The following SPECC1L variants were observed in gnomAD, a reference collection of about 807,000 sequenced individuals.
SPECC1L encodes the protein sperm antigen with calponin homology and coiled-coil domains 1 like, also known as cytospin-A.
Under a neutral mutation model 116.8 loss-of-function variants are expected in SPECC1L, and 40 were observed. The ratio of observed to expected loss-of-function variants is 0.34; its 90% CI spans 0.27 to 0.45. The LOEUF is 0.45. Ranked by LOEUF, SPECC1L falls within the 20% of genes least tolerant of loss-of-function variation. The pLI, the probability that SPECC1L is intolerant of heterozygous loss-of-function variation, is 1.00. For synonymous variants in SPECC1L, 504 were observed against 500.6 expected, an observed-to-expected ratio of 1.01 and a Z score of -0.09; for missense variants, 1,110 against 1,373.6, an observed-to-expected ratio of 0.81 and a Z score of 3.03.
At chr22:24,286,578 T>C (rs538955521) in intron 2 of SPECC1L, among the ~76,000 whole-genome samples, 197 of 152,320 alleles carry the variant, frequency 1.3e-3, no homozygotes, top group African/African-American at 4.5e-3. Context: ...GAAGTACTTT[T>C]TACTGCTTTC....
intron 3 of SPECC1L, among the ~76,000 whole-genome samples, chr22:24,309,529 T>TA (rs1232306525): frequency 6.6e-6 from 1 of 152,112 alleles, no homozygotes; most frequent in African/African-American, 2.4e-5. Flanking sequence ...GGCTCCTGAG[T>TA]AGCTGGGGTT....
At chr22:24,289,834 C>CT (rs2049123578) in intron 2 of SPECC1L, among the ~76,000 whole-genome samples, 1 of 151,990 alleles carries the variant, frequency 6.6e-6, no homozygotes, top group African/African-American at 2.4e-5. Context: ...AATCAGTGCC[C>CT]TAGTATTTGT....
chr22:24,329,492 G>A, intron 7 of SPECC1L, among the ~76,000 whole-genome samples: 1 of 152,248 alleles, frequency 6.6e-6, no homozygotes, highest in East Asian at 1.9e-4. Flanking sequence ...CAGCAATGCA[G>A]CCATGCTGCA....
chr22:24,313,715 C>CT (rs2040504047), intron 4 of SPECC1L, among the ~76,000 whole-genome samples: 1 of 149,466 alleles, frequency 6.7e-6, no homozygotes, highest in African/African-American at 2.5e-5. Flanking sequence ...TCCATAAATA[C>CT]TTTATTATCT....
At chr22:24,405,321 T>A (rs1464814359) in intron 14 of SPECC1L, among the ~76,000 whole-genome samples, 2 of 151,904 alleles carry the variant, frequency 1.3e-5, no homozygotes, top group Non-Finnish European at 2.9e-5. Context: ...TATTGCTCCA[T>A]GTGCAGCAAC....
At chr22:24,364,481 G>A (rs1327449317) in intron 12 of SPECC1L, among the ~76,000 whole-genome samples, 1 of 152,034 alleles carries the variant, frequency 6.6e-6, no homozygotes, top group Non-Finnish European at 1.5e-5. Flanking sequence ...TGGCCAACAT[G>A]GCAAAACCGT....
At chr22:24,341,061 T>A (rs1457608308) in intron 10 of SPECC1L, among the ~76,000 whole-genome samples, 2 of 152,038 alleles carry the variant, frequency 1.3e-5, no homozygotes, top group African/African-American at 4.8e-5. Context: ...AATTTCCAGG[T>A]GGTGGTGCAG....
At chr22:24,319,061 G>A (rs1041439102) in intron 4 of SPECC1L, among the ~76,000 whole-genome samples, 1 of 152,094 alleles carries the variant, frequency 6.6e-6, no homozygotes, top group African/African-American at 2.4e-5. Context: ...CCTGAATGTG[G>A]GACCTCTTTT....
chr22:24,370,905 G>A (rs1224451151), intron 14 of SPECC1L, among the ~76,000 whole-genome samples: 2 of 150,806 alleles, frequency 1.3e-5, no homozygotes, highest in South Asian at 2.1e-4. Context: ...TAGAATGATG[G>A]TTGCCAGGGG....
At position 24,365,399 on chromosome 22, in the gene SPECC1L, T is replaced by C. The variant is rs916028858; in HGVS notation, c.2828-77T>C. The C allele has an allele frequency of 3.6e-5, 50 of 1,385,118 alleles. No individual in the cohort carries two copies. In the South Asian group the frequency reaches 5.3e-4, roughly 15 times the overall value. 85.8% of individuals were successfully genotyped at this position (1,385,118 alleles called of 1,614,324 possible). On this transcript the variant is annotated intron_variant, in intron 12 of 16. Coordinates refer to ENST00000314328, the MANE Select transcript of SPECC1L (RefSeq NM_015330.6). ...ATGGTAATATCTGTTGTTTTTGGAA[T>C]CTTCAGAAAAAAAAAATCTCAAGAA...
chr22:24,334,377 G>A (rs748827759), intron 8 of SPECC1L, 33 bp from the exon 9 acceptor site: 2 of 1,611,772 alleles, frequency 1.2e-6, no homozygotes, highest in South Asian at 2.2e-5. Context: ...TAGTACCTAT[G>A]TAAAAATGCT....
intron 3 of SPECC1L, 84 bp from the exon 4 acceptor site, chr22:24,313,229 T>C: frequency 6.8e-7 from 1 of 1,461,334 alleles, no homozygotes; most frequent in Non-Finnish European, 9.5e-7. Context: ...GAACTTAGTA[T>C]AAAAGTCATG....
In SPECC1L at chr22:24,414,555, A is replaced by T; in HGVS notation, c.3286A>T (p.Thr1096Ser). Residue 1096 changes from threonine (T) to serine (S), a missense_variant, in exon 17 of 17, where the codon ACT becomes TCT. By Grantham distance (58) the Thr-to-Ser change is moderately conservative (BLOSUM62 1). Around this residue, in one of 4 missense-constraint regions of SPECC1L, gnomAD observed 76 missense variants for 148.5 expected, o/e 0.51. Coordinates refer to ENST00000314328, the MANE Select transcript of SPECC1L (RefSeq NM_015330.6). ...TCAGGACATTAATGAAATGGTACGG[A>T]CTGAACGACCCGACTGGCAGAACGT... Reference protein sequence around the residue: ...STLDINEMVRTERPDWQNVML... With the variant: ...STLDINEMVRSERPDWQNVML... 1.2e-6 allele frequency: 2 copies of T among 1,613,958 alleles called. No homozygotes were observed. The highest frequency in any genetic ancestry group is 1.7e-6 in the Non-Finnish European group (2 of 1,179,956).
At chr22:24,317,549 T>A (rs1268571308) in intron 4 of SPECC1L, among the ~76,000 whole-genome samples, 3 of 106,406 alleles carry the variant, frequency 2.8e-5, no homozygotes, top group African/African-American at 7.1e-5. Flanking sequence ...CACTTCCCAG[T>A]AGGGGCGGCC....
intron 10 of SPECC1L, among the ~76,000 whole-genome samples, chr22:24,344,093 C>T (rs1019894337): frequency 6.6e-6 from 1 of 152,116 alleles, no homozygotes; most frequent in African/African-American, 2.4e-5. Flanking sequence ...AGTAAAAGGA[C>T]TTTCCAGTTC....
rs953476181 is a variant in SPECC1L at position 24,373,536 on chromosome 22, A to G, written c.3087+4216A>G. Among the ~76,000 whole-genome samples, 416 of 152,352 alleles carry G rather than the reference A, an allele frequency of 2.7e-3. 6 individuals are homozygous for G. The highest frequency in any genetic ancestry group is 9.6e-3 in the African/African-American group (398 of 41,592). On this transcript the variant is annotated intron_variant, in intron 14 of 16. Coordinates refer to ENST00000314328, the MANE Select transcript of SPECC1L (RefSeq NM_015330.6). ...ACAAGAAATGGGGAAAGGATTCCCT[A>G]TTTAATAAATGGTGCTGGGAAAACT...
chr22:24,306,199 A>G (rs1034282055), intron 3 of SPECC1L, among the ~76,000 whole-genome samples: 1 of 151,844 alleles, frequency 6.6e-6, no homozygotes, highest in African/African-American at 2.4e-5. Flanking sequence ...GAGCCACTGC[A>G]CCCGGCCTTA....
At chr22:24,298,048 C>T (rs2146390858) in intron 2 of SPECC1L, among the ~76,000 whole-genome samples, 1 of 152,310 alleles carries the variant, frequency 6.6e-6, no homozygotes, top group East Asian at 1.9e-4. Context: ...CCCCAACTTA[C>T]TGTGGTTCGA....
At chr22:24,340,644 T>G (rs1253900834) in intron 10 of SPECC1L, among the ~76,000 whole-genome samples, 1 of 152,118 alleles carries the variant, frequency 6.6e-6, no homozygotes, top group African/African-American at 2.4e-5. Context: ...TGAAAAATAT[T>G]TCTACAAGTT....
Sources: allele counts gnomAD v4.1 joint callset (sites outside exome capture counted in the v4.1 genomes callset), GRCh38; gene constraint gnomAD v4.1.1; regional missense constraint gnomAD v4.1.1; transcripts MANE v1.5; gene names NCBI Gene and HGNC (gene_info 2026-07-23, HGNC 2026-07-21).